The following SEMA3A variants were observed in gnomAD, a reference collection of about 807,000 sequenced individuals.
SEMA3A encodes semaphorin 3A.
Under a neutral mutation model 97.9 loss-of-function variants are expected in SEMA3A, and 29 were observed. The ratio of observed to expected loss-of-function variants is 0.30; its 90% CI spans 0.22 to 0.40. SEMA3A has a LOEUF of 0.40. Ranked by LOEUF, SEMA3A falls within the 10% of genes least tolerant of loss-of-function variation. The pLI is 1.00. For synonymous variants in SEMA3A, 321 were observed against 323.7 expected (o/e 0.99, Z 0.09); for missense variants, 763 against 951.3 (o/e 0.80, Z 2.60).
chr7:84,128,518 T>C (rs1381573768), intron 3 of SEMA3A, among the ~76,000 whole-genome samples: 2 of 152,170 alleles, frequency 1.3e-5, no homozygotes, highest in African/African-American at 4.8e-5. Flanking sequence ...TTTTTCCATA[T>C]ATAAATAACC....
intron 4 of SEMA3A, among the ~76,000 whole-genome samples, chr7:84,085,467 C>T (rs1794303640): frequency 6.6e-6 from 1 of 151,668 alleles, no homozygotes; most frequent in Non-Finnish European, 1.5e-5. Context: ...AAGTGAAAAA[C>T]TGTAGTAAGA....
At chr7:84,242,389 C>T (rs1799384685) in intron 3 of SEMA3A, among the ~76,000 whole-genome samples, 1 of 152,112 alleles carries the variant, frequency 6.6e-6, no homozygotes, top group African/African-American at 2.4e-5. Context: ...ATCTTTGTAG[C>T]AATTGTGAAT....
At chr7:84,224,858 C>T (rs1798954691) in intron 3 of SEMA3A, among the ~76,000 whole-genome samples, 1 of 151,900 alleles carries the variant, frequency 6.6e-6, no homozygotes, top group African/African-American at 2.4e-5. Flanking sequence ...ATTGGTTTTT[C>T]CCTAGAATCT....
chr7:84,349,635 A>G (rs949340316), intron 2 of SEMA3A, among the ~76,000 whole-genome samples: 2 of 152,182 alleles, frequency 1.3e-5, no homozygotes, highest in Non-Finnish European at 2.9e-5. Context: ...AAACATCAAT[A>G]TAAAAGAATA....
At chr7:84,201,098 G>T (rs1798344579) in intron 3 of SEMA3A, among the ~76,000 whole-genome samples, 1 of 152,008 alleles carries the variant, frequency 6.6e-6, no homozygotes, top group South Asian at 2.1e-4. Flanking sequence ...AAGCAATATG[G>T]TTTAAAGGAT....
chr7:84,210,111 T>C (rs1798590687), intron 3 of SEMA3A, among the ~76,000 whole-genome samples: 1 of 152,212 alleles, frequency 6.6e-6, no homozygotes, highest in African/African-American at 2.4e-5. Context: ...TTTCAATGAA[T>C]AGTTATCATT....
chr7:84,056,472 C>G (rs553210644), intron 5 of SEMA3A, among the ~76,000 whole-genome samples: 2 of 152,060 alleles, frequency 1.3e-5, no homozygotes, highest in African/African-American at 4.8e-5. Context: ...AAAAGTGTGA[C>G]ATGGATGTGA....
rs780127902 is a variant in SEMA3A at position 83,963,217 on chromosome 7, C to T, written c.1848G>A (p.Glu616=). The T allele has an allele frequency of 3.1e-6, 5 of 1,613,066 alleles. No individual in the cohort carries two copies. The South Asian group carries it at 3.3e-5, about 11-fold the overall frequency. The stretch of plus-strand genomic sequence containing the variant: ...TTCATTCCTGTACCTCTTCTTTTCG[C>T]TCTTCATTTCGCCTCTGGAATTGCC... The part of the protein sequence containing the change: ...VYWQFQRRNE[E]RKEEIRVDDH... Residue 616 remains glutamate, a synonymous_variant, in exon 16 of 17, where the codon GAG becomes GAA. Coordinates refer to ENST00000265362, the MANE Select transcript of SEMA3A (RefSeq NM_006080.3).
At chr7:84,039,803 A>G (rs1355085410) in intron 6 of SEMA3A, among the ~76,000 whole-genome samples, 3 of 152,120 alleles carry the variant, frequency 2.0e-5, no homozygotes, top group Non-Finnish European at 2.9e-5. Flanking sequence ...TTATTAAAAT[A>G]AATTTTAATT....
At chr7:84,438,594 A>G (rs1805194569) in intron 1 of SEMA3A, among the ~76,000 whole-genome samples, 1 of 152,112 alleles carries the variant, frequency 6.6e-6, no homozygotes, top group African/African-American at 2.4e-5. Context: ...AGATTGCCAG[A>G]AAACCATCGG....
At chr7:84,445,517 A>AAAAAAAAAAAAG (rs1310474914) in intron 1 of SEMA3A, among the ~76,000 whole-genome samples, 6 of 119,718 alleles carry the variant, frequency 5.0e-5, no homozygotes, top group Non-Finnish European at 9.6e-5. Flanking sequence ...AAAAAAAAAA[A>AAAAAAAAAAAAG]AAAGAAAAGA....
intron 12 of SEMA3A, among the ~76,000 whole-genome samples, chr7:83,992,599 G>T (rs1441549299): frequency 6.6e-6 from 1 of 151,944 alleles, no homozygotes; most frequent in African/African-American, 2.4e-5. Context: ...TCAGGAGCAG[G>T]TTGTTCAGTT....
chr7:84,071,760 AT>A (rs553754546), intron 4 of SEMA3A, among the ~76,000 whole-genome samples: 3 of 152,018 alleles, frequency 2.0e-5, no homozygotes, highest in African/African-American at 7.2e-5. Context: ...TTTTTATTAG[AT>A]TTTTTTAAAG....
intron 2 of SEMA3A, among the ~76,000 whole-genome samples, chr7:84,342,317 G>A (rs1434540763): frequency 2.0e-5 from 3 of 152,126 alleles, no homozygotes; most frequent in Non-Finnish European, 4.4e-5. Flanking sequence ...TTACAGGTGT[G>A]AGCCACCACA....
chr7:84,166,862 G>A (rs1301543800), intron 1 of SEMA3A, among the ~76,000 whole-genome samples: 4 of 128,552 alleles, frequency 3.1e-5, no homozygotes, highest in African/African-American at 9.0e-5. Context: ...ACGACAGAGT[G>A]AAACTCTGTC....
intron 1 of SEMA3A, among the ~76,000 whole-genome samples, chr7:84,406,512 C>G (rs1448134464): frequency 6.6e-6 from 1 of 152,146 alleles, no homozygotes; most frequent in Non-Finnish European, 1.5e-5. Flanking sequence ...CTATTCCAAT[C>G]AACAGAAAAA....
At position 84,256,714 on chromosome 7, in the gene SEMA3A, C is replaced by T. The variant is rs529696166; in HGVS notation, c.-83+50493G>A. On this transcript the variant is annotated intron_variant, in intron 3 of 3. Transcript: ENST00000424555. ...CTCTGGTAACTTTATCCCCTTTAGT[C>T]ACAAACTGTGAGACGACATATGGTT... is the stretch of plus-strand genomic sequence containing the variant. 4.5e-4 allele frequency among the ~76,000 whole-genome samples: 68 copies of T among 152,134 alleles called. 1 individual carries two copies. The Middle Eastern group carries it at 0.01, about 23-fold the overall frequency.
chr7:84,056,134 A>G (rs1433971698), intron 5 of SEMA3A, among the ~76,000 whole-genome samples: 1 of 149,872 alleles, frequency 6.7e-6, no homozygotes, highest in African/African-American at 2.4e-5. Context: ...TCAAACACAA[A>G]AGTTACTATT....
intron 3 of SEMA3A, among the ~76,000 whole-genome samples, chr7:84,285,693 TC>T (rs1257475714): frequency 6.6e-6 from 1 of 152,088 alleles, no homozygotes; most frequent in African/African-American, 2.4e-5. Context: ...ATGCCTCTAT[TC>T]CCAGCACTTT....
Sources: allele counts gnomAD v4.1 joint callset (sites outside exome capture counted in the v4.1 genomes callset), GRCh38; gene constraint gnomAD v4.1.1; transcripts MANE v1.5; gene names NCBI Gene and HGNC (gene_info 2026-07-23, HGNC 2026-07-21).